TACR3: variants seen among roughly 807,000 people sequenced by gnomAD.
TACR3 encodes the protein neuromedin-K receptor.
Under a neutral mutation model 35.0 loss-of-function variants are expected in TACR3, and 34 were observed. The observed-to-expected ratio is 0.97, with a 90% CI of 0.74 to 1.30. The LOEUF (loss-of-function observed/expected upper bound fraction) is 1.30. TACR3 is among the 50% of genes most tolerant of loss of function. The pLI, the probability that TACR3 is intolerant of heterozygous loss-of-function variation, is 0.00. For synonymous variants in TACR3, 233 were observed against 221.1 expected (o/e 1.05, Z -0.48); for missense variants, 558 against 591.7 (o/e 0.94, Z 0.59).
At chr4:103,597,525 T>C (rs922974332) in intron 3 of TACR3, among the ~76,000 whole-genome samples, 1 of 152,170 alleles carries the variant, frequency 6.6e-6, no homozygotes, top group Non-Finnish European at 1.5e-5. Flanking sequence ...TACATATGTA[T>C]ACATGTGCCA....
At chr4:103,592,874 G>A (rs1004123303) in intron 3 of TACR3, among the ~76,000 whole-genome samples, 7 of 152,172 alleles carry the variant, frequency 4.6e-5, no homozygotes, top group African/African-American at 1.7e-4. Flanking sequence ...GATCAATGTG[G>A]AAGGTAACTC....
intron 1 of TACR3, among the ~76,000 whole-genome samples, chr4:103,673,642 T>TGTGACACGAAAAAATGAA (rs554089713): frequency 1.4e-3 from 207 of 152,226 alleles, no homozygotes; most frequent in South Asian, 2.1e-3. Context: ...ATTGCCAAAA[T>TGTGACACGAAAAAATGAA]GTGACACGAA....
chr4:103,704,897 C>A (rs190368951), intron 1 of TACR3, among the ~76,000 whole-genome samples: 4 of 152,086 alleles, frequency 2.6e-5, no homozygotes, highest in African/African-American at 4.8e-5. Context: ...TTCATGTTAA[C>A]GTTACCATAT....
intron 3 of TACR3, among the ~76,000 whole-genome samples, chr4:103,611,951 A>G (rs1724522490): frequency 6.6e-6 from 1 of 152,202 alleles, no homozygotes; most frequent in African/African-American, 2.4e-5. Context: ...CTCTACTACT[A>G]TAACCTCTGA....
chr4:103,598,848 T>A (rs1724112024), intron 3 of TACR3, among the ~76,000 whole-genome samples: 1 of 152,194 alleles, frequency 6.6e-6, no homozygotes, highest in African/African-American at 2.4e-5. Context: ...GCTGTTTTGG[T>A]TACTGTAGCC....
rs548087338 is a variant in TACR3, at chr4:103,637,539, T to G, written c.888+18655A>C. 2.0e-5 allele frequency among the ~76,000 whole-genome samples: 3 copies of G among 152,254 alleles called. No individual in the cohort carries two copies. The East Asian group carries it at 5.8e-4, about 29-fold the overall frequency. On this transcript the variant is annotated intron_variant, in intron 3 of 4. Coordinates refer to ENST00000304883, the MANE Select transcript of TACR3 (RefSeq NM_001059.3). ...TTTGAAAACTGGCACAAGACAAGGA[T>G]GCCCTCTCTCACCACTCCTATTCAA...
chr4:103,674,096 T>C (rs10516506), intron 1 of TACR3, among the ~76,000 whole-genome samples: 23,440 of 152,112 alleles, frequency 0.15, 2,356 homozygotes, highest in East Asian at 0.43. Flanking sequence ...GAGTAGTTAA[T>C]AGGTAAAGGA....
chr4:103,633,277 A>C (rs1725107034), intron 3 of TACR3, among the ~76,000 whole-genome samples: 2 of 152,096 alleles, frequency 1.3e-5, no homozygotes, highest in South Asian at 4.1e-4. Context: ...AATTAAAAGT[A>C]ATTTACTAAA....
intron 3 of TACR3, among the ~76,000 whole-genome samples, chr4:103,603,980 G>C (rs974791778): frequency 3.9e-5 from 6 of 152,154 alleles, no homozygotes; most frequent in African/African-American, 1.4e-4. Context: ...GTAATTTATA[G>C]ATTCAATGCT....
At chr4:103,625,415 A>G (rs2110306754) in intron 3 of TACR3, among the ~76,000 whole-genome samples, 1 of 152,332 alleles carries the variant, frequency 6.6e-6, no homozygotes, top group South Asian at 2.1e-4. Flanking sequence ...CCTGTAAGGC[A>G]AGGATAGACA....
intron 1 of TACR3, among the ~76,000 whole-genome samples, chr4:103,703,501 C>T (rs74525674): frequency 0.017 from 2,541 of 152,130 alleles, 78 homozygotes; most frequent in African/African-American, 0.056. Flanking sequence ...AAAACTATAT[C>T]GGACTGTTAA....
intron 3 of TACR3, among the ~76,000 whole-genome samples, chr4:103,629,351 T>C (rs898615669): frequency 2.6e-5 from 4 of 152,064 alleles, no homozygotes; most frequent in African/African-American, 9.7e-5. Flanking sequence ...AGCCAAATTG[T>C]CCCTGTTTTC....
At chr4:103,607,483 T>A (rs1724407059) in intron 3 of TACR3, among the ~76,000 whole-genome samples, 1 of 151,824 alleles carries the variant, frequency 6.6e-6, no homozygotes, top group Non-Finnish European at 1.5e-5. Flanking sequence ...AAAATACTTT[T>A]AAATATTTTA....
intron 1 of TACR3, among the ~76,000 whole-genome samples, chr4:103,662,003 A>G (rs1385136745): frequency 1.3e-5 from 2 of 152,154 alleles, no homozygotes; most frequent in Non-Finnish European, 2.9e-5. Flanking sequence ...TCACCAATAA[A>G]TGTAAATTAC....
intron 1 of TACR3, among the ~76,000 whole-genome samples, chr4:103,712,855 C>G (rs941984932): frequency 6.6e-6 from 1 of 152,090 alleles, no homozygotes; most frequent in Non-Finnish European, 1.5e-5. Context: ...ATTTATGCAG[C>G]CAAAAGACAC....
chr4:103,703,469 A>C (rs1436309963), intron 1 of TACR3, among the ~76,000 whole-genome samples: 3 of 152,206 alleles, frequency 2.0e-5, no homozygotes, highest in African/African-American at 7.2e-5. Context: ...AATTCAATCC[A>C]TATTCACCTC....
In TACR3 at chr4:103,616,960, A is replaced by G. The variant is rs4698902; in HGVS notation, c.889-25277T>C. ...AAGACCTTATTTCAAAATAATATTA[A>G]ATTTAAAAGAATTAAAAAACCCAGA... On this transcript the variant is annotated intron_variant, in intron 3 of 4. Transcript: ENST00000304883. Among the ~76,000 whole-genome samples the G allele has an allele frequency of 7.4e-3, 1,123 of 152,214 alleles. 11 individuals carry two copies. Among genetic ancestry groups the G allele is most frequent in the Admixed American group, 0.011 (175 of 15,294 alleles).
chr4:103,719,259 C>T lies in TACR3; in HGVS notation c.417G>A (p.Thr139=). 6.2e-7 allele frequency: 1 copy of T among 1,614,204 alleles called. No homozygotes were observed. Among genetic ancestry groups the T allele is most frequent in the Non-Finnish European group, 8.5e-7 (1 of 1,180,026 alleles). The change falls in exon 1 of 5, where the codon ACG becomes ACA. Residue 139 remains threonine, a synonymous_variant. Coordinates refer to ENST00000304883, the MANE Select transcript of TACR3 (RefSeq NM_001059.3). The part of the protein sequence containing the change: ...FSDASMAAFN[T]LVNFIYALHS... ...GAAGCGCGTAGATGAAATTGACCAA[C>T]GTGTTGAAGGCGGCCATGGAGGCGT...
chr4:103,673,770 G>C (rs547741893), intron 1 of TACR3, among the ~76,000 whole-genome samples: 2 of 152,282 alleles, frequency 1.3e-5, no homozygotes, highest in South Asian at 2.1e-4. Flanking sequence ...ATAAAGCATA[G>C]TGAGATAAAA....
Sources: allele counts gnomAD v4.1 joint callset (sites outside exome capture counted in the v4.1 genomes callset), GRCh38; gene constraint gnomAD v4.1.1; transcripts MANE v1.5; gene names NCBI Gene and HGNC (gene_info 2026-07-23, HGNC 2026-07-21).